Variants in FGF14 observed in about 807,000 individuals in gnomAD.
FGF14 encodes the protein fibroblast growth factor 14.
Under a neutral mutation model 25.5 loss-of-function variants are expected in FGF14, and 5 were observed. The ratio of observed to expected loss-of-function variants is 0.20; its 90% CI spans 0.10 to 0.41. FGF14 has a LOEUF of 0.41. FGF14 is among the 10% of genes least tolerant of loss of function. The pLI, the probability that FGF14 is intolerant of heterozygous loss-of-function variation, is 1.00. For synonymous variants in FGF14, 138 were observed against 118.3 expected (o/e 1.17, Z -1.08); for missense variants, 222 against 320.1 (o/e 0.69, Z 2.34).
chr13:102,217,119 G>A (rs1594448522), intron 1 of FGF14, among the ~76,000 whole-genome samples: 1 of 152,210 alleles, frequency 6.6e-6, no homozygotes, highest in Non-Finnish European at 1.5e-5. Context: ...AAACACAGGA[G>A]TGCAGGTATC....
chr13:102,364,843 G>A (rs1467941400), intron 1 of FGF14, among the ~76,000 whole-genome samples: 1 of 152,136 alleles, frequency 6.6e-6, no homozygotes, highest in African/African-American at 2.4e-5. Flanking sequence ...GTCTATGGGA[G>A]AAATGTCCAA....
At chr13:101,933,617 G>T (rs536389063) in intron 1 of FGF14, among the ~76,000 whole-genome samples, 1 of 152,200 alleles carries the variant, frequency 6.6e-6, no homozygotes, top group East Asian at 1.9e-4. Context: ...CCAGCTACTC[G>T]GGAGGCTGAG....
intron 3 of FGF14, among the ~76,000 whole-genome samples, chr13:101,751,845 A>G (rs573028915): frequency 2.0e-5 from 3 of 151,782 alleles, no homozygotes; most frequent in Non-Finnish European, 4.4e-5. Context: ...TATAGCATTC[A>G]TGGGATTCCC....
Position 102,227,084 on chromosome 13 carries a change from T to A in FGF14, c.208+174387A>T, listed in dbSNP as rs191202893. On this transcript the variant is annotated intron_variant, in intron 1 of 4. Coordinates refer to the FGF14 transcript ENST00000376131. ...GACTGCCTGTCTAGTCCTGGCCATTTTTCTTCCCAGTTTAATATTTAATGG... is the reference window on the plus strand; with the variant it reads ...GACTGCCTGTCTAGTCCTGGCCATTATTCTTCCCAGTTTAATATTTAATGG... Among the ~76,000 whole-genome samples, 34 of 152,272 alleles carry A rather than the reference T, an allele frequency of 2.2e-4. No individual in the cohort carries two copies. In the East Asian group the frequency reaches 6.0e-3, roughly 27 times the overall value.
chr13:102,313,549 G>GAT (rs935706963), intron 1 of FGF14, among the ~76,000 whole-genome samples: 10 of 151,696 alleles, frequency 6.6e-5, no homozygotes, highest in Non-Finnish European at 1.2e-4. Context: ...GTCCAAACAA[G>GAT]ATACTCTTTG....
intron 1 of FGF14, among the ~76,000 whole-genome samples, chr13:102,278,569 T>C (rs2053658409): frequency 6.6e-6 from 1 of 151,966 alleles, no homozygotes; most frequent in Non-Finnish European, 1.5e-5. Flanking sequence ...CTTTTAGATG[T>C]GTGACCCCAA....
chr13:102,353,935 C>T (rs1370725758), intron 1 of FGF14, among the ~76,000 whole-genome samples: 1 of 152,106 alleles, frequency 6.6e-6, no homozygotes, highest in Non-Finnish European at 1.5e-5. Flanking sequence ...AGCTTCCCAC[C>T]CTGAGCCTAC....
At chr13:101,914,239 TTA>T (rs1394671048) in intron 1 of FGF14, among the ~76,000 whole-genome samples, 4 of 151,108 alleles carry the variant, frequency 2.6e-5, no homozygotes, top group African/African-American at 4.8e-5. Flanking sequence ...AAGCATACTA[TTA>T]TATGTCGATA....
At chr13:102,307,602 G>A (rs952258054) in intron 1 of FGF14, among the ~76,000 whole-genome samples, 5 of 152,064 alleles carry the variant, frequency 3.3e-5, no homozygotes, top group Admixed American at 1.3e-4. Flanking sequence ...ACTTGTTATT[G>A]TACTAAGTGC....
At chr13:102,062,112 C>G (rs2042715702) in intron 1 of FGF14, among the ~76,000 whole-genome samples, 1 of 152,034 alleles carries the variant, frequency 6.6e-6, no homozygotes, top group African/African-American at 2.4e-5. Flanking sequence ...AGCAAAAAGT[C>G]TATGCAAAAA....
chr13:102,373,196 G>A (rs9300735), intron 1 of FGF14, among the ~76,000 whole-genome samples: 44,710 of 151,710 alleles, frequency 0.29, 6,978 homozygotes, highest in African/African-American at 0.39. Flanking sequence ...GTCACATGGC[G>A]CTTCCTCTGA....
intron 1 of FGF14, among the ~76,000 whole-genome samples, chr13:101,996,218 G>A (rs1023157537): frequency 6.6e-6 from 1 of 152,136 alleles, no homozygotes; most frequent in African/African-American, 2.4e-5. Flanking sequence ...GTTTTGAATA[G>A]GTACAAATTG....
intron 1 of FGF14, among the ~76,000 whole-genome samples, chr13:102,207,756 G>A (rs562368321): frequency 9.2e-5 from 14 of 151,820 alleles, no homozygotes; most frequent in African/African-American, 3.4e-4. Flanking sequence ...TGTGCTGAAT[G>A]TTTGACATCA....
In FGF14 at chr13:101,971,651, C is replaced by A. The variant is rs190406031; in HGVS notation, c.209-96355G>T. On this transcript the variant is annotated intron_variant, in intron 1 of 4. Transcript: ENST00000376131. ...CCTCCCAATATACTGGGATTATAGG[C>A]GTGAGCCACCACACCCAGCCTCAGC... 3.2e-3 allele frequency among the ~76,000 whole-genome samples: 481 copies of A among 152,240 alleles called. 8 individuals are homozygous for A. Among genetic ancestry groups the A allele is most frequent in the East Asian group, 5.8e-3 (30 of 5,184 alleles).
intron 1 of FGF14, among the ~76,000 whole-genome samples, chr13:102,239,065 T>C (rs1332746258): frequency 1.4e-5 from 2 of 140,112 alleles, no homozygotes; most frequent in African/African-American, 2.8e-5. Context: ...AAAAGTTCAG[T>C]AACTCGCTGG....
intron 1 of FGF14, among the ~76,000 whole-genome samples, chr13:102,027,977 T>C (rs2041017102): frequency 1.3e-5 from 2 of 152,146 alleles, no homozygotes; most frequent in South Asian, 2.1e-4. Context: ...TCACCCTTTA[T>C]TGGCAGAGTG....
intron 1 of FGF14, among the ~76,000 whole-genome samples, chr13:102,236,064 T>C (rs1265565377): frequency 1.3e-5 from 2 of 152,236 alleles, no homozygotes; most frequent in South Asian, 2.1e-4. Flanking sequence ...ACCTTTGTAG[T>C]AGAGCACACC....
At chr13:101,952,565 A>G (rs1426995572) in intron 1 of FGF14, among the ~76,000 whole-genome samples, 1 of 152,232 alleles carries the variant, frequency 6.6e-6, no homozygotes, top group African/African-American at 2.4e-5. Flanking sequence ...GGCTGTTTCC[A>G]TAGGTAGTTA....
In FGF14 at chr13:102,082,940, AGAGT is replaced by A. The variant is rs571998631; in HGVS notation, c.209-207648_209-207645del. Among the ~76,000 whole-genome samples the A allele has an allele frequency of 5.4e-3, 829 of 152,260 alleles. 10 individuals carry two copies. The highest frequency in any genetic ancestry group is 0.018 in the African/African-American group (764 of 41,536). ...GCCACTGCACTCCAGCCTGGGAGACAGAGTGAGACTCCGTCTCAAAAAAAAGAAA... is the reference window on the plus strand; with the variant it reads ...GCCACTGCACTCCAGCCTGGGAGACAGAGACTCCGTCTCAAAAAAAAGAAA... On this transcript the variant is annotated intron_variant, in intron 1 of 4. Transcript: ENST00000376131.
Sources: allele counts gnomAD v4.1 joint callset (sites outside exome capture counted in the v4.1 genomes callset), GRCh38; gene constraint gnomAD v4.1.1; transcripts MANE v1.5; gene names NCBI Gene and HGNC (gene_info 2026-07-23, HGNC 2026-07-21).